Variants in OR51E1 observed in about 807,000 individuals in gnomAD.
The protein encoded by OR51E1 is olfactory receptor family 51 subfamily E member 1, also known as olfactory receptor 51E1.
Under a neutral mutation model 11.5 loss-of-function variants are expected in OR51E1, and 9 were observed. The observed-to-expected ratio is 0.78, with a 90% CI of 0.47 to 1.37. The LOEUF is 1.37. Ranked by LOEUF, OR51E1 falls within the 40% of genes most tolerant of loss-of-function variation. The pLI is 0.00. For missense variants in OR51E1, 397 were observed against 410.2 expected (o/e 0.97, Z 0.28); for synonymous variants, 168 against 158.3 (o/e 1.06, Z -0.46).
chr11:4,652,894 T>C lies in OR51E1; in HGVS notation c.368T>C (p.Phe123Ser), dbSNP rs1847117483. 3.7e-6 allele frequency: 6 copies of C among 1,612,972 alleles called. No homozygotes were observed. Among genetic ancestry groups the C allele is most frequent in the Non-Finnish European group, 5.1e-6 (6 of 1,179,278 alleles). ...MESTVLLAMA[F>S]DRYVAICHPL... ...TCCACAGTGCTGCTGGCCATGGCTTTTGACCGCTATGTGGCCATCTGTCAC... is the reference window on the plus strand; with the variant it reads ...TCCACAGTGCTGCTGGCCATGGCTTCTGACCGCTATGTGGCCATCTGTCAC... The change falls in exon 2 of 2, where the codon TTT becomes TCT. Residue 123 changes from phenylalanine to serine, a missense_variant. By Grantham distance (155) the Phe-to-Ser change is radical. Coordinates refer to ENST00000396952, the MANE Select transcript of OR51E1 (RefSeq NM_152430.4).
intron 1 of OR51E1, among the ~76,000 whole-genome samples, chr11:4,648,067 C>T (rs1405624867): frequency 2.0e-5 from 3 of 152,132 alleles, no homozygotes; most frequent in African/African-American, 7.2e-5. Context: ...TGAACGGTGG[C>T]ACTTGAGCTC....
chr11:4,645,072 C>T (rs1847012345), intron 1 of OR51E1, among the ~76,000 whole-genome samples: 1 of 152,130 alleles, frequency 6.6e-6, no homozygotes, highest in Non-Finnish European at 1.5e-5. Context: ...TTTCTGACCC[C>T]TGTCTCCAGT....
chr11:4,644,274 A>G (rs1331011130), intron 1 of OR51E1, among the ~76,000 whole-genome samples: 2 of 152,114 alleles, frequency 1.3e-5, no homozygotes, highest in Admixed American at 1.3e-4. Flanking sequence ...TTCAGTGATT[A>G]GTTTACTAGT....
At chr11:4,648,038 G>A (rs543487757) in intron 1 of OR51E1, among the ~76,000 whole-genome samples, 4 of 152,036 alleles carry the variant, frequency 2.6e-5, no homozygotes, top group Non-Finnish European at 4.4e-5. Context: ...ACATTGGGAC[G>A]CTTCAGGGCT....
In OR51E1 at chr11:4,654,117, T is replaced by A. The variant is rs575898117; in HGVS notation, c.*634T>A. ...TCCTATTTAATTTTCTTATCAACCC[T>A]TTAATTAGGCAAAGATATTATTAGT... On this transcript the variant is annotated 3_prime_UTR_variant, in exon 2 of 2. Transcript: ENST00000396952. 1 of 167,124 alleles carries A rather than the reference T, an allele frequency of 6.0e-6. No homozygotes were observed. The highest frequency in any genetic ancestry group is 6.5e-5 in the Admixed American group (1 of 15,306). 10.4% of individuals were successfully genotyped at this position (167,124 alleles called of 1,614,324 possible).
chr11:4,651,271 G>C (rs1438931748), intron 1 of OR51E1, among the ~76,000 whole-genome samples: 3 of 152,140 alleles, frequency 2.0e-5, no homozygotes, highest in Admixed American at 6.5e-5. Flanking sequence ...TCTTAGATTG[G>C]GTGGGTCTCC....
rs749385814 is a variant in OR51E1 at position 4,653,265 on chromosome 11, G to C, written c.739G>C (p.Val247Leu). 11 of 1,614,156 alleles carry C rather than the reference G, an allele frequency of 6.8e-6. No individual in the cohort carries two copies. The highest frequency in any genetic ancestry group is 1.6e-4 in the Middle Eastern group (1 of 6,062). ...AKAFGTCVSH[V>L]CAVFIFYVPF... ...GGCATTTGGCACTTGCGTCTCTCATGTGTGTGCTGTGTTCATATTCTATGT... is the reference window on the plus strand; with the variant it reads ...GGCATTTGGCACTTGCGTCTCTCATCTGTGTGCTGTGTTCATATTCTATGT... Residue 247 changes from valine to leucine, a missense_variant, in exon 2 of 2, where the codon GTG becomes CTG. Transcript: ENST00000396952.
intron 1 of OR51E1, among the ~76,000 whole-genome samples, chr11:4,648,104 C>A (rs993149979): frequency 6.6e-6 from 1 of 152,176 alleles, no homozygotes; most frequent in African/African-American, 2.4e-5. Context: ...TCCATCCATT[C>A]ATTTCTCTCC....
intron 1 of OR51E1, among the ~76,000 whole-genome samples, chr11:4,646,525 C>T (rs1033086280): frequency 6.6e-6 from 1 of 152,208 alleles, no homozygotes; most frequent in Non-Finnish European, 1.5e-5. Context: ...CCTTATCTGT[C>T]AAATGGGATT....
In OR51E1 at chr11:4,653,321, C is replaced by T. The variant is rs1847128412; in HGVS notation, c.795C>T (p.Arg265=). Residue 265 remains arginine, a synonymous_variant, in exon 2 of 2, where the codon CGC becomes CGT. Coordinates refer to ENST00000396952, the MANE Select transcript of OR51E1 (RefSeq NM_152430.4). ...VPFIGLSMVH[R]FSKRRDSPLP... ...TCATTGGATTGTCCATGGTGCATCGCTTTAGCAAGCGGCGTGACTCTCCGC... is the reference window on the plus strand; with the variant it reads ...TCATTGGATTGTCCATGGTGCATCGTTTTAGCAAGCGGCGTGACTCTCCGC... The T allele has an allele frequency of 6.2e-7, 1 of 1,614,032 alleles. No individual in the cohort carries two copies. Among genetic ancestry groups the T allele is most frequent in the Non-Finnish European group, 8.5e-7 (1 of 1,180,032 alleles).
intron 1 of OR51E1, among the ~76,000 whole-genome samples, chr11:4,647,540 G>A (rs1847044475): frequency 6.6e-6 from 1 of 151,934 alleles, no homozygotes; most frequent in South Asian, 2.1e-4. Context: ...CTTTTTCACG[G>A]GTCTATGAGA....
At chr11:4,647,994 G>T (rs1456364276) in intron 1 of OR51E1, among the ~76,000 whole-genome samples, 2 of 152,006 alleles carry the variant, frequency 1.3e-5, no homozygotes, top group African/African-American at 2.4e-5. Context: ...GAAGTCATCT[G>T]GTCACTCTGC....
At chr11:4,650,530 T>C (rs1431513222) in intron 1 of OR51E1, among the ~76,000 whole-genome samples, 1 of 152,216 alleles carries the variant, frequency 6.6e-6, no homozygotes, top group Non-Finnish European at 1.5e-5. Flanking sequence ...TGTTCTACTA[T>C]TCATGCTCCC....
At position 4,652,619 on chromosome 11, in the gene OR51E1, C is replaced by G; in HGVS notation, c.93C>G (p.Ala31=). ...PGLEEAQFWL[A]FPLCSLYLIA... The stretch of plus-strand genomic sequence containing the variant: ...TAGAAGAGGCTCAGTTCTGGTTGGC[C>G]TTCCCATTGTGCTCCCTCTACCTTA... The change falls in exon 2 of 2, where the codon GCC becomes GCG. Residue 31 remains alanine (A), a synonymous_variant. Coordinates refer to ENST00000396952, the MANE Select transcript of OR51E1 (RefSeq NM_152430.4). 6.2e-7 allele frequency: 1 copy of G among 1,614,152 alleles called. No individual in the cohort carries two copies. Among genetic ancestry groups the G allele is most frequent in the Non-Finnish European group, 8.5e-7 (1 of 1,180,008 alleles).
In OR51E1 at chr11:4,653,332, G is replaced by A. The variant is rs146887508; in HGVS notation, c.806G>A (p.Arg269Gln). The change falls in exon 2 of 2, where the codon CGG becomes CAG. Residue 269 changes from arginine (R) to glutamine (Q), a missense_variant. By Grantham distance (43) the Arg-to-Gln change is conservative. Transcript: ENST00000396952. Reference protein sequence around the residue: ...GLSMVHRFSKRRDSPLPVILA... With the variant: ...GLSMVHRFSKQRDSPLPVILA... ...TCCATGGTGCATCGCTTTAGCAAGC[G>A]GCGTGACTCTCCGCTGCCCGTCATC... is the stretch of plus-strand genomic sequence containing the variant. The A allele has an allele frequency of 1.3e-4, 213 of 1,614,012 alleles. No homozygotes were observed. The East Asian group carries it at 3.1e-3, about 24-fold the overall frequency.
At position 4,654,771 on chromosome 11, in the gene OR51E1, C is replaced by T. The variant is rs540981530; in HGVS notation, c.*1288C>T. The T allele has an allele frequency of 6.0e-6, 1 of 167,160 alleles. No homozygotes were observed. The highest frequency in any genetic ancestry group is 1.9e-4 in the East Asian group (1 of 5,186). The allele number at this position is 167,160 out of a possible 1,614,324, so 10.4% of individuals were successfully genotyped here. A position where few individuals can be genotyped will look rare whatever the true frequency, so the allele number is the denominator to read the frequency against. ...TAGGCATGGGAATCAGGCATTTTTG[C>T]TTCTGAGGGGCTATTACCAAGGGTT... On this transcript the variant is annotated 3_prime_UTR_variant, in exon 2 of 2. Coordinates refer to ENST00000396952, the MANE Select transcript of OR51E1 (RefSeq NM_152430.4).
At chr11:4,651,060 G>T (rs1051006540) in intron 1 of OR51E1, among the ~76,000 whole-genome samples, 2 of 145,132 alleles carry the variant, frequency 1.4e-5, no homozygotes, top group South Asian at 2.4e-4. Context: ...GGGAGGGAGG[G>T]AATCAGTTCA....
At chr11:4,644,618 T>G (rs1259080743) in intron 1 of OR51E1, among the ~76,000 whole-genome samples, 1 of 152,104 alleles carries the variant, frequency 6.6e-6, no homozygotes. Context: ...AAAAGTAGAT[T>G]AGTGTCCACA....
rs541352700 is a variant in OR51E1 at position 4,653,402 on chromosome 11, T to C, written c.876T>C (p.Ile292=). The C allele has an allele frequency of 6.2e-7, 1 of 1,614,188 alleles. No homozygotes were observed. Among genetic ancestry groups the C allele is most frequent in the Non-Finnish European group, 8.5e-7 (1 of 1,180,012 alleles). Residue 292 remains isoleucine, a synonymous_variant, in exon 2 of 2, where the codon ATT becomes ATC. Transcript: ENST00000396952. ...YLLVPPVLNP[I]VYGVKTKEIR... is the part of the protein sequence containing the mutation. ...TGGTTCCTCCTGTGCTCAACCCAAT[T>C]GTCTATGGAGTGAAGACAAAGGAGA...
Sources: gnomAD v4.1 joint callset for allele counts (sites outside exome capture counted in the v4.1 genomes callset) on GRCh38, gnomAD v4.1.1 for gene constraint, MANE v1.5 for transcripts, NCBI Gene and HGNC (gene_info 2026-07-23, HGNC 2026-07-21) for gene names.